Variants in PLCB1 observed in about 807,000 individuals in gnomAD.
The protein encoded by PLCB1 is 1-phosphatidylinositol 4,5-bisphosphate phosphodiesterase beta-1.
PLCB1 carries 46 observed loss-of-function variants against 161.8 expected under a neutral mutation model. The ratio of observed to expected loss-of-function variants is 0.28; its 90% CI spans 0.22 to 0.36. The LOEUF is 0.36. PLCB1 is among the 10% of genes least tolerant of loss of function. PLCB1 has a pLI of 1.00. For synonymous variants in PLCB1, 517 were observed against 503.7 expected (o/e 1.03, Z -0.35); for missense variants, 1,016 against 1,472.5 (o/e 0.69, Z 5.07).
intron 26 of PLCB1, among the ~76,000 whole-genome samples, chr20:8,770,258 A>C (rs539407755): frequency 6.6e-6 from 1 of 152,274 alleles, no homozygotes; most frequent in South Asian, 2.1e-4. Context: ...AGCCAAAATC[A>C]TCATTTCTTA....
At position 8,724,311 on chromosome 20, in the gene PLCB1, G is replaced by A. The variant is rs1280521471; in HGVS notation, c.1582-345G>A. On this transcript the variant is annotated intron_variant, in intron 15 of 31. Transcript: ENST00000338037. ...GCTCAGTGCTTCTCAAACTTTGATGGGCATTCCAATGACCTTAGTAAAATG... is the reference window on the plus strand; with the variant it reads ...GCTCAGTGCTTCTCAAACTTTGATGAGCATTCCAATGACCTTAGTAAAATG... Among the ~76,000 whole-genome samples, 4 of 152,152 alleles carry A rather than the reference G, an allele frequency of 2.6e-5. No individual in the cohort carries two copies. In the South Asian group the frequency reaches 8.3e-4, roughly 32 times the overall value.
At chr20:8,848,127 C>T (rs1014292804) in intron 31 of PLCB1, among the ~76,000 whole-genome samples, 1 of 152,108 alleles carries the variant, frequency 6.6e-6, no homozygotes, top group African/African-American at 2.4e-5. Flanking sequence ...TCTTGTTTGC[C>T]CCACCTGTTA....
intron 1 of PLCB1, among the ~76,000 whole-genome samples, chr20:8,137,578 A>T (rs1030653826): frequency 2.0e-5 from 3 of 152,222 alleles, no homozygotes; most frequent in African/African-American, 7.2e-5. Context: ...TTTGCAAGCA[A>T]ATCAATAAAA....
At chr20:8,327,191 GT>G (rs1210344257) in intron 2 of PLCB1, among the ~76,000 whole-genome samples, 1 of 152,152 alleles carries the variant, frequency 6.6e-6, no homozygotes, top group Non-Finnish European at 1.5e-5. Flanking sequence ...TAGCCTGTTT[GT>G]TTTTCATATT....
intron 2 of PLCB1, among the ~76,000 whole-genome samples, chr20:8,291,108 T>A (rs970308598): frequency 5.3e-5 from 8 of 151,982 alleles, no homozygotes; most frequent in Admixed American, 5.2e-4. Context: ...GAAGCTTCTG[T>A]GTTGCAGTAA....
At chr20:8,550,487 T>C (rs1985737625) in intron 3 of PLCB1, among the ~76,000 whole-genome samples, 1 of 152,144 alleles carries the variant, frequency 6.6e-6, no homozygotes, top group Non-Finnish European at 1.5e-5. Flanking sequence ...TTCTCTCTTC[T>C]GTCACCCTGT....
chr20:8,719,273 A>G (rs991676374), intron 14 of PLCB1, among the ~76,000 whole-genome samples: 3 of 152,186 alleles, frequency 2.0e-5, no homozygotes, highest in Non-Finnish European at 4.4e-5. Flanking sequence ...AGCTGAATAT[A>G]TGCACTCCCT....
intron 3 of PLCB1, among the ~76,000 whole-genome samples, chr20:8,499,065 C>G (rs530921801): frequency 5.9e-5 from 9 of 152,340 alleles, no homozygotes; most frequent in African/African-American, 2.2e-4. Context: ...AAGATTCTTT[C>G]TATCACTGGA....
rs189159158 is a variant in PLCB1, at chr20:8,703,218, G to A, written c.1167+5435G>A. ...ATAGTGCTTACCTCCTAGGGTGGTT[G>A]TAAGTAAGCATTCAATAACCCTACT... On this transcript the variant is annotated intron_variant, in intron 11 of 31. Coordinates refer to ENST00000338037, the MANE Select transcript of PLCB1 (RefSeq NM_015192.4). 6.6e-5 allele frequency among the ~76,000 whole-genome samples: 10 copies of A among 152,288 alleles called. No individual in the cohort carries two copies. The East Asian group carries it at 1.7e-3, about 26-fold the overall frequency.
intron 2 of PLCB1, among the ~76,000 whole-genome samples, chr20:8,241,335 G>C (rs924468418): frequency 6.6e-6 from 1 of 151,920 alleles, no homozygotes; most frequent in African/African-American, 2.4e-5. Context: ...ACAATTGTCT[G>C]ATGATCCTGG....
At chr20:8,174,817 T>C (rs1008654574) in intron 2 of PLCB1, among the ~76,000 whole-genome samples, 1 of 152,132 alleles carries the variant, frequency 6.6e-6, no homozygotes, top group Non-Finnish European at 1.5e-5. Context: ...AGGAGGTCAA[T>C]GCAGGAGGAT....
chr20:8,209,890 T>G (rs905608596), intron 2 of PLCB1, among the ~76,000 whole-genome samples: 1 of 152,150 alleles, frequency 6.6e-6, no homozygotes, highest in Non-Finnish European at 1.5e-5. Flanking sequence ...CATGCTAGAG[T>G]GCAGTGGAGC....
chr20:8,256,221 A>G (rs574943179), intron 2 of PLCB1, among the ~76,000 whole-genome samples: 16 of 152,244 alleles, frequency 1.1e-4, no homozygotes, highest in Admixed American at 8.5e-4. Flanking sequence ...ACCATCCCAA[A>G]CATAGTAACT....
chr20:8,661,914 C>T (rs1409303618), intron 9 of PLCB1, among the ~76,000 whole-genome samples: 1 of 91,382 alleles, frequency 1.1e-5, no homozygotes, highest in East Asian at 3.1e-4. Context: ...CCCTGTGCCC[C>T]TAGAGATTTG....
chr20:8,250,124 G>A (rs942298018), intron 2 of PLCB1, among the ~76,000 whole-genome samples: 4 of 151,854 alleles, frequency 2.6e-5, no homozygotes, highest in African/African-American at 4.8e-5. Context: ...TCAAACACAC[G>A]AGGAGTTATT....
intron 3 of PLCB1, among the ~76,000 whole-genome samples, chr20:8,521,879 C>T (rs1984360650): frequency 6.6e-6 from 1 of 152,188 alleles, no homozygotes; most frequent in African/African-American, 2.4e-5. Flanking sequence ...TGCATTTCAA[C>T]CACACAGAAA....
At chr20:8,701,480 C>T (rs530838428) in intron 11 of PLCB1, among the ~76,000 whole-genome samples, 2 of 152,282 alleles carry the variant, frequency 1.3e-5, no homozygotes, top group Non-Finnish European at 2.9e-5. Flanking sequence ...CTGTCACCAG[C>T]CACCACTCCC....
At chr20:8,487,393 A>G (rs1204615468) in intron 3 of PLCB1, among the ~76,000 whole-genome samples, 1 of 152,154 alleles carries the variant, frequency 6.6e-6, no homozygotes, top group Non-Finnish European at 1.5e-5. Context: ...TCCCAGTGAC[A>G]CCTGTAGCAG....
rs1987996154 is a variant in PLCB1, at chr20:8,881,672, C to T, written c.3474C>T (p.Pro1158=). ...ACCAAGACAAATTCAAAAGACTGCC[C>T]CTCGAGATTTTGGAATTCGTGCAGG... ...QEYQDKFKRL[P]LEILEFVQEA... The change falls in exon 32 of 32, where the codon CCC becomes CCT. Residue 1158 remains proline, a synonymous_variant. Transcript: ENST00000338037. The T allele has an allele frequency of 6.2e-7, 1 of 1,614,016 alleles. No homozygotes were observed. Among genetic ancestry groups the T allele is most frequent in the Non-Finnish European group, 8.5e-7 (1 of 1,180,000 alleles).
Sources: allele counts gnomAD v4.1 joint callset (sites outside exome capture counted in the v4.1 genomes callset), GRCh38; gene constraint gnomAD v4.1.1; transcripts MANE v1.5; gene names NCBI Gene and HGNC (gene_info 2026-07-23, HGNC 2026-07-21).